The following GFOD1 variants were observed in gnomAD, a reference collection of about 807,000 sequenced individuals.
GFOD1 encodes the protein Gfo/Idh/MocA-like oxidoreductase domain containing 1.
Under a neutral mutation model 25.4 loss-of-function variants are expected in GFOD1, and 9 were observed. That is an observed-to-expected ratio of 0.35 (90% CI 0.21 to 0.62). The LOEUF (loss-of-function observed/expected upper bound fraction) is 0.62, where lower values mean the gene tolerates loss of function less well. Among genes scored for constraint, GFOD1 ranks in the 20% least tolerant of loss-of-function variants. The probability of loss-of-function intolerance (pLI) is 0.72; values close to 1 mark genes in which losing one functional copy is unlikely to be tolerated. For synonymous variants in GFOD1, 253 were observed against 245.6 expected, an observed-to-expected ratio of 1.03 and a Z score of -0.28; for missense variants, 403 against 556.9, an observed-to-expected ratio of 0.72 and a Z score of 2.78.
chr6:13,394,868 A>G (rs1404634779), intron 1 of GFOD1, among the ~76,000 whole-genome samples: 2 of 152,078 alleles, frequency 1.3e-5, no homozygotes, highest in African/African-American at 4.8e-5. Flanking sequence ...CCTGACCTCA[A>G]CTGATCCACC....
chr6:13,478,591 A>G (rs1758679422), intron 1 of GFOD1, among the ~76,000 whole-genome samples: 1 of 152,212 alleles, frequency 6.6e-6, no homozygotes, highest in Non-Finnish European at 1.5e-5. Flanking sequence ...TGTATCCCCC[A>G]CACCGTGGGT....
intron 1 of GFOD1, among the ~76,000 whole-genome samples, chr6:13,408,811 G>C (rs503117): frequency 6.6e-6 from 1 of 152,022 alleles, no homozygotes; most frequent in South Asian, 2.1e-4. Flanking sequence ...ACAGGCCAGT[G>C]TGGTGGCTCA....
intron 1 of GFOD1, chr6:13,470,404 G>A: frequency 6.5e-7 from 1 of 1,549,704 alleles, no homozygotes; most frequent in Non-Finnish European, 8.7e-7. Flanking sequence ...GGCTGCCTCT[G>A]TGCCCTGGAT....
In GFOD1 at chr6:13,361,572, T is replaced by C. The variant is rs1436576753; in HGVS notation, c.*3171A>G. Reference sequence around the variant, plus strand: ...GTGCTGGGCTGAAACAAAGTCCTTCTGCAGAACACTGTTGAAGGCTAGAGA... The same window carrying C: ...GTGCTGGGCTGAAACAAAGTCCTTCCGCAGAACACTGTTGAAGGCTAGAGA... On this transcript the variant is annotated 3_prime_UTR_variant, in exon 2 of 2. Transcript: ENST00000379287. 1 of 152,358 alleles carries C rather than the reference T, an allele frequency of 6.6e-6. No individual in the cohort carries two copies. The highest frequency in any genetic ancestry group is 2.4e-5 in the African/African-American group (1 of 41,472). The allele number at this position is 152,358 out of a possible 1,614,324, so 9.4% of individuals were successfully genotyped here.
intron 1 of GFOD1, among the ~76,000 whole-genome samples, chr6:13,396,059 T>C (rs753513726): frequency 6.6e-6 from 1 of 152,238 alleles, no homozygotes; most frequent in Non-Finnish European, 1.5e-5. Context: ...GGGGAACGCA[T>C]TTACATGTTT....
At chr6:13,387,019 C>T (rs960476700) in intron 1 of GFOD1, among the ~76,000 whole-genome samples, 7 of 150,348 alleles carry the variant, frequency 4.7e-5, no homozygotes, top group South Asian at 2.2e-4. Context: ...ATTAGACCAA[C>T]GATATCCTCG....
intron 1 of GFOD1, among the ~76,000 whole-genome samples, chr6:13,423,934 C>T (rs1168883386): frequency 6.6e-6 from 1 of 152,156 alleles, no homozygotes; most frequent in Non-Finnish European, 1.5e-5. Context: ...TTGTGGCTCA[C>T]CACAACCTCT....
At chr6:13,424,995 G>A (rs1786327838) in intron 1 of GFOD1, among the ~76,000 whole-genome samples, 1 of 120,200 alleles carries the variant, frequency 8.3e-6, no homozygotes. Flanking sequence ...GTCTCATCCT[G>A]TAGCCCAGGC....
Position 13,360,772 on chromosome 6 carries a change from T to C in GFOD1, c.*3971A>G, listed in dbSNP as rs73364948. 1.0e-3 allele frequency: 461 copies of C among 456,762 alleles called. 2 individuals carry two copies. Among genetic ancestry groups the C allele is most frequent in the African/African-American group, 7.4e-3 (372 of 50,196 alleles). The allele number at this position is 456,762 out of a possible 1,614,324, so 28.3% of individuals were successfully genotyped here. ...CAGCAGGCTGAGTGGAGCCGCAGGT[T>C]AGTCCATGCTTGTCACAGTCCTTCC... On this transcript the variant is annotated 3_prime_UTR_variant, in exon 2 of 2. Coordinates refer to ENST00000379287, the MANE Select transcript of GFOD1 (RefSeq NM_018988.4).
chr6:13,383,437 A>G lies in GFOD1; in HGVS notation c.254-17775T>C, dbSNP rs969409434. On this transcript the variant is annotated intron_variant, in intron 1 of 1. Transcript: ENST00000379287. Reference sequence around the variant, plus strand: ...AAGTTCCCAGTTTCAACACTGAGTTACACAAGATTCCTTTCAGTGACAGCC... The same window carrying G: ...AAGTTCCCAGTTTCAACACTGAGTTGCACAAGATTCCTTTCAGTGACAGCC... Among the ~76,000 whole-genome samples the G allele has an allele frequency of 2.0e-5, 3 of 152,378 alleles. No individual in the cohort carries two copies. The East Asian group carries it at 5.8e-4, about 29-fold the overall frequency.
At chr6:13,486,432 G>T in intron 1 of GFOD1, 1 of 614,348 alleles carries the variant, frequency 1.6e-6, no homozygotes, top group South Asian at 2.0e-5. Flanking sequence ...GTGGTGCCAG[G>T]AGGCAGGAGG....
chr6:13,376,762 C>A (rs1482332039), intron 1 of GFOD1, among the ~76,000 whole-genome samples: 1 of 152,148 alleles, frequency 6.6e-6, no homozygotes, highest in Non-Finnish European at 1.5e-5. Flanking sequence ...TGGCGTGAAA[C>A]CTCATCACAC....
intron 1 of GFOD1, among the ~76,000 whole-genome samples, chr6:13,465,222 T>TAAAA (rs36004362): frequency 5.3e-5 from 8 of 151,040 alleles, no homozygotes; most frequent in South Asian, 4.2e-4. Context: ...GCTGATGAGC[T>TAAAA]AAAAAAAAAT....
At chr6:13,444,946 T>A (rs1459455708) in intron 1 of GFOD1, among the ~76,000 whole-genome samples, 1 of 152,240 alleles carries the variant, frequency 6.6e-6, no homozygotes, top group Non-Finnish European at 1.5e-5. Context: ...TAAATATGTA[T>A]CTTTTCATCT....
At chr6:13,409,293 G>T (rs1786025099) in intron 1 of GFOD1, among the ~76,000 whole-genome samples, 1 of 34,252 alleles carries the variant, frequency 2.9e-5, no homozygotes, top group African/African-American at 4.1e-5. Context: ...AGAGAGGAAG[G>T]AAGGAAGAAA....
intron 1 of GFOD1, among the ~76,000 whole-genome samples, chr6:13,428,357 G>A (rs1222769435): frequency 6.6e-6 from 1 of 152,166 alleles, no homozygotes; most frequent in Non-Finnish European, 1.5e-5. Flanking sequence ...TCACTGGGCC[G>A]TGTGAAAACT....
In GFOD1 at chr6:13,486,908, TG is replaced by T; in HGVS notation, c.-19del. 1 of 1,603,366 alleles carries T rather than the reference TG, an allele frequency of 6.2e-7. No homozygotes were observed. Among genetic ancestry groups the T allele is most frequent in the East Asian group, 2.2e-5 (1 of 44,844 alleles). On this transcript the variant is annotated 5_prime_UTR_variant, in exon 1 of 2. Transcript: ENST00000379287. Reference sequence around the variant, plus strand: ...GGAAGCATGGCTGCTCAGAGCCGCCTGGTTCTGCTTCTGCTCGGATCTCCAG... The same window carrying T: ...GGAAGCATGGCTGCTCAGAGCCGCCTGTTCTGCTTCTGCTCGGATCTCCAG...
At chr6:13,463,858 T>C (rs563695602) in intron 1 of GFOD1, among the ~76,000 whole-genome samples, 1 of 152,250 alleles carries the variant, frequency 6.6e-6, no homozygotes, top group African/African-American at 2.4e-5. Flanking sequence ...TAAATATATA[T>C]CTATCCAGCA....
At chr6:13,367,095 GTATTT>G (rs2127554971) in intron 1 of GFOD1, among the ~76,000 whole-genome samples, 1 of 151,928 alleles carries the variant, frequency 6.6e-6, no homozygotes, top group Admixed American at 6.5e-5. Flanking sequence ...TTGATATGTT[GTATTT>G]TATATTTAAA....
Sources: allele counts gnomAD v4.1 joint callset (sites outside exome capture counted in the v4.1 genomes callset), GRCh38; gene constraint gnomAD v4.1.1; transcripts MANE v1.5; gene names NCBI Gene and HGNC (gene_info 2026-07-23, HGNC 2026-07-21).